Variants in NUMA1 observed in about 807,000 individuals in gnomAD.
NUMA1 encodes nuclear mitotic apparatus protein 1.
A neutral mutation model predicts 237.1 loss-of-function variants in NUMA1; 62 were observed. That is an observed-to-expected ratio of 0.26 (90% confidence interval 0.21 to 0.32). The LOEUF (loss-of-function observed/expected upper bound fraction) is 0.32. Among genes scored for constraint, NUMA1 ranks in the 10% least tolerant of loss-of-function variants. The pLI is 1.00. For synonymous variants in NUMA1, 1,028 were observed against 1,066.1 expected (o/e 0.96, Z 0.70); for missense variants, 2,533 against 2,666.5 (o/e 0.95, Z 1.10).
rs200063686 is a variant in NUMA1, at chr11:72,019,624, G to A, written c.461-7C>T. On this transcript the variant is annotated splice_polypyrimidine_tract_variant and splice_region_variant and intron_variant, in intron 8 of 26. Coordinates refer to ENST00000393695, the MANE Select transcript of NUMA1 (RefSeq NM_006185.4). Reference sequence around the variant, plus strand: ...CAGGTAGAAGGCACAGGAGCTGGGGGTAAGAAATAGACAAAATAAATCAAC... The same window carrying A: ...CAGGTAGAAGGCACAGGAGCTGGGGATAAGAAATAGACAAAATAAATCAAC... 10 of 1,611,300 alleles carry A rather than the reference G, an allele frequency of 6.2e-6. No homozygotes were observed. Among genetic ancestry groups the A allele is most frequent in the Non-Finnish European group, 8.5e-6 (10 of 1,178,594 alleles).
intron 1 of NUMA1, chr11:72,072,252 G>A (rs1565297352): frequency 6.5e-6 from 1 of 154,378 alleles, no homozygotes. Context: ...GATACAATGT[G>A]ACCTCAGAGG....
Position 72,016,262 on chromosome 11 carries a change from TG to T in NUMA1, c.1243-3del. On this transcript the variant is annotated splice_region_variant and splice_polypyrimidine_tract_variant and intron_variant, in intron 14 of 26. Coordinates refer to ENST00000393695, the MANE Select transcript of NUMA1 (RefSeq NM_006185.4). ...TGCCTCTTGCTTCAAGGTTTCCAGCTGGTGGTATAAAGAGACAAACTGGGAT... is the reference window on the plus strand; with the variant it reads ...TGCCTCTTGCTTCAAGGTTTCCAGCTGTGGTATAAAGAGACAAACTGGGAT... 1.3e-6 allele frequency: 2 copies of T among 1,592,774 alleles called. No individual in the cohort carries two copies. Among genetic ancestry groups the T allele is most frequent in the Non-Finnish European group, 1.7e-6 (2 of 1,165,746 alleles).
intron 2 of NUMA1, among the ~76,000 whole-genome samples, chr11:72,062,200 G>A (rs973550808): frequency 6.6e-6 from 1 of 152,118 alleles, no homozygotes; most frequent in Non-Finnish European, 1.5e-5. Flanking sequence ...ATCATCAGTG[G>A]AGGAACTCAG....
At chr11:72,076,472 G>C (rs1246422113) in intron 1 of NUMA1, 2 of 151,716 alleles carry the variant, frequency 1.3e-5, no homozygotes, top group Non-Finnish European at 2.9e-5. Flanking sequence ...GTATCAGGGT[G>C]AAAGGAAAAA....
chr11:72,013,624 C>T lies in NUMA1; in HGVS notation c.3879G>A (p.Glu1293=), dbSNP rs1460221499. 1.1e-5 allele frequency: 17 copies of T among 1,610,654 alleles called. No homozygotes were observed. The highest frequency in any genetic ancestry group is 1.4e-5 in the Non-Finnish European group (17 of 1,179,984). Residue 1293 remains glutamate, a synonymous_variant, in exon 15 of 27, where the codon GAG becomes GAA. Coordinates refer to ENST00000393695, the MANE Select transcript of NUMA1 (RefSeq NM_006185.4). This position sits in a 1 kb window ranked among gnomAD's most constrained non-coding sequence, Gnocchi z 6.8. ...CAGCCTCCTCCCGGAGGCTCTGCAC[C>T]TCCTCCCGCAGAGCAGAGCTGCGTT... ...AAERSSALRE[E]VQSLREEAEK... is the part of the protein sequence containing the mutation.
Position 72,012,925 on chromosome 11 carries a change from G to T in NUMA1, c.4578C>A (p.Phe1526Leu), listed in dbSNP as rs1374980780. The change falls in exon 15 of 27, where the codon TTC becomes TTA. Residue 1526 changes from phenylalanine to leucine, a missense_variant. By Grantham distance (22) the Phe-to-Leu change is conservative (BLOSUM62 0). Around this residue, in one of 3 missense-constraint regions of NUMA1, gnomAD observed 324 missense variants for 407.6 expected, o/e 0.79. Transcript: ENST00000393695. ...KVKVLEERQRFQEERQKLTAQ... is the reference protein window; with the variant it reads ...KVKVLEERQRLQEERQKLTAQ... ...CAGTGAGTTTCTGCCTCTCTTCCTGGAACCGCTGCCTCTCCTCCAGGACCT... is the reference window on the plus strand; with the variant it reads ...CAGTGAGTTTCTGCCTCTCTTCCTGTAACCGCTGCCTCTCCTCCAGGACCT... 5 of 1,614,078 alleles carry T rather than the reference G, an allele frequency of 3.1e-6. No homozygotes were observed. The highest frequency in any genetic ancestry group is 4.2e-6 in the Non-Finnish European group (5 of 1,180,002).
In NUMA1 at chr11:72,010,704, G is replaced by A. The variant is rs118153308; in HGVS notation, c.4719+82C>T. ...ATGCAGGGTGCCCCTCTTCTGCCCCGACACCCCCCACGGCCCCAGAGCTTA... is the reference window on the plus strand; with the variant it reads ...ATGCAGGGTGCCCCTCTTCTGCCCCAACACCCCCCACGGCCCCAGAGCTTA... On this transcript the variant is annotated intron_variant, in intron 17 of 26. Transcript: ENST00000393695. 1,367 of 1,371,136 alleles carry A rather than the reference G, an allele frequency of 1.0e-3. 27 individuals carry two copies. The East Asian group carries it at 0.024, about 24-fold the overall frequency. 84.9% of individuals were successfully genotyped at this position (1,371,136 alleles called of 1,614,324 possible). A position where few individuals can be genotyped will look rare whatever the true frequency, so the allele number is the denominator to read the frequency against.
At chr11:72,011,320 A>G (rs1590885574) in intron 16 of NUMA1, among the ~76,000 whole-genome samples, 1 of 152,174 alleles carries the variant, frequency 6.6e-6, no homozygotes, top group African/African-American at 2.4e-5. Flanking sequence ...CCTCTTCCCA[A>G]CATCCACAGG....
At position 72,024,266 on chromosome 11, in the gene NUMA1, G is replaced by A. The variant is rs960821366; in HGVS notation, c.208+8C>T. On this transcript the variant is annotated splice_region_variant and intron_variant, in intron 5 of 26. Transcript: ENST00000393695. Reference sequence around the variant, plus strand: ...GCTTCTTCATAGCTGGATAAGAAAGGTGCTTACTCTGCAGAAAACTGCACA... The same window carrying A: ...GCTTCTTCATAGCTGGATAAGAAAGATGCTTACTCTGCAGAAAACTGCACA... 1 of 1,613,538 alleles carries A rather than the reference G, an allele frequency of 6.2e-7. No individual in the cohort carries two copies. The highest frequency in any genetic ancestry group is 8.5e-7 in the Non-Finnish European group (1 of 1,179,566).
intron 20 of NUMA1, chr11:72,007,670 C>T (rs747020148): frequency 1.1e-4 from 64 of 569,062 alleles, no homozygotes; most frequent in Non-Finnish European, 1.9e-4. Context: ...ACCCAGATGT[C>T]CCATCCCCAC....
At position 72,013,104 on chromosome 11, in the gene NUMA1, C is replaced by T; in HGVS notation, c.4399G>A (p.Val1467Met). 6.2e-7 allele frequency: 1 copy of T among 1,614,246 alleles called. No individual in the cohort carries two copies. Among genetic ancestry groups the T allele is most frequent in the East Asian group, 2.2e-5 (1 of 44,890 alleles). Residue 1467 changes from valine (V) to methionine (M), a missense_variant, in exon 15 of 27, where the codon GTG becomes ATG. Val to Met is a conservative substitution (Grantham distance 21). Coordinates refer to ENST00000393695, the MANE Select transcript of NUMA1 (RefSeq NM_006185.4). The surrounding 1 kb of genome is among the most constrained non-coding windows in gnomAD (Gnocchi z 6.8). ...TTCTCCCGGGCCTGGTCCAACTCCA[C>T]TTCCAGAAACTGCCGGCCAAGGTTG... is the stretch of plus-strand genomic sequence containing the variant. ...RANLGRQFLE[V>M]ELDQAREKYV... is the part of the protein sequence containing the mutation.
At position 72,012,891 on chromosome 11, in the gene NUMA1, T is replaced by C. The variant is rs1956248487; in HGVS notation, c.4608+4A>G. 1.9e-6 allele frequency: 3 copies of C among 1,612,908 alleles called. No homozygotes were observed. Among genetic ancestry groups the C allele is most frequent in the African/African-American group, 2.7e-5 (2 of 74,916 alleles). Reference sequence around the variant, plus strand: ...TGGGAGGGTGGTTGGGCTGAGTACCTTACCTGGGCAGTGAGTTTCTGCCTC... The same window carrying C: ...TGGGAGGGTGGTTGGGCTGAGTACCCTACCTGGGCAGTGAGTTTCTGCCTC... On this transcript the variant is annotated splice_donor_region_variant and intron_variant, in intron 15 of 26. Transcript: ENST00000393695.
chr11:72,023,556 T>C (rs989552756), intron 5 of NUMA1, among the ~76,000 whole-genome samples: 1 of 152,216 alleles, frequency 6.6e-6, no homozygotes, highest in East Asian at 1.9e-4. Flanking sequence ...GTGACTCTTA[T>C]ACTGCCCGAG....
chr11:72,035,405 CCT>C (rs1565254868), intron 3 of NUMA1, among the ~76,000 whole-genome samples: 2 of 151,468 alleles, frequency 1.3e-5, no homozygotes, highest in Admixed American at 1.3e-4. Context: ...TACCACCCCC[CCT>C]TTTTTTTTTT....
In NUMA1 at chr11:72,015,310, C is replaced by A. The variant is rs1370998534; in HGVS notation, c.2193G>T (p.Glu731Asp). The change falls in exon 15 of 27, where the codon GAG becomes GAT. Residue 731 changes from glutamate to aspartate, a missense_variant. Glu to Asp is a conservative substitution (Grantham distance 45). Around this residue, in one of 3 missense-constraint regions of NUMA1, gnomAD observed 1,414 missense variants for 1,508.1 expected, o/e 0.94. Coordinates refer to ENST00000393695, the MANE Select transcript of NUMA1 (RefSeq NM_006185.4). This position sits in a 1 kb window ranked among gnomAD's most constrained non-coding sequence, Gnocchi z 4.0. ...TCAGCTCAGAGATACAACGCTGCTG[C>A]TCTTCCAGGGCATCTGCAGCCCTGC... ...EKRRAADALE[E>D]QQRCISELKA... 6.2e-7 allele frequency: 1 copy of A among 1,613,482 alleles called. No homozygotes were observed. The highest frequency in any genetic ancestry group is 2.2e-5 in the East Asian group (1 of 44,906).
intron 2 of NUMA1, among the ~76,000 whole-genome samples, chr11:72,061,542 G>A (rs144498637): frequency 2.2e-5 from 3 of 135,880 alleles, no homozygotes; most frequent in African/African-American, 5.5e-5. Flanking sequence ...CCAGGCTGGA[G>A]TGCAGCGGTA....
At chr11:72,048,516 C>T (rs551473397) in intron 2 of NUMA1, among the ~76,000 whole-genome samples, 23 of 152,232 alleles carry the variant, frequency 1.5e-4, no homozygotes, top group Non-Finnish European at 2.8e-4. Flanking sequence ...GGATTACAGG[C>T]GCTCGCCAAC....
rs529829114 is a variant in NUMA1, at chr11:72,028,119, G to C, written c.128+1086C>G. Among the ~76,000 whole-genome samples, 3 of 152,306 alleles carry C rather than the reference G, an allele frequency of 2.0e-5. No individual in the cohort carries two copies. In the South Asian group the frequency reaches 6.2e-4, roughly 32 times the overall value. The stretch of plus-strand genomic sequence containing the variant: ...CTTTAGCAGCAGACCCATCTGTCCT[G>C]GGCCACTTGGCCCCGCTAGACCTTG... On this transcript the variant is annotated intron_variant, in intron 4 of 26. Coordinates refer to ENST00000393695, the MANE Select transcript of NUMA1 (RefSeq NM_006185.4).
intron 2 of NUMA1, among the ~76,000 whole-genome samples, chr11:72,054,576 C>A (rs932037493): frequency 2.0e-5 from 3 of 152,030 alleles, no homozygotes; most frequent in African/African-American, 7.2e-5. Context: ...TAGAATAAAT[C>A]TTTCACGATG....
Sources: allele counts gnomAD v4.1 joint callset (sites outside exome capture counted in the v4.1 genomes callset), GRCh38; gene constraint gnomAD v4.1.1; regional missense constraint gnomAD v4.1.1; non-coding constraint Gnocchi (gnomAD v3.1); transcripts MANE v1.5; gene names NCBI Gene and HGNC (gene_info 2026-07-23, HGNC 2026-07-21).